Variants in MCMDC2 observed in about 807,000 individuals in gnomAD.
MCMDC2 encodes the protein minichromosome maintenance domain containing 2.
In MCMDC2, 54 loss-of-function variants were observed where a neutral mutation model predicts 75.8. That is an observed-to-expected ratio of 0.71 (90% CI 0.57 to 0.89). MCMDC2 has a LOEUF of 0.89. MCMDC2 is among the 40% of genes least tolerant of loss of function. The pLI, the probability that MCMDC2 is intolerant of heterozygous loss-of-function variation, is 0.00. For synonymous variants in MCMDC2, 249 were observed against 274.6 expected, an observed-to-expected ratio of 0.91 and a Z score of 0.92; for missense variants, 656 against 780.4, an observed-to-expected ratio of 0.84 and a Z score of 1.90.
rs144634127 is a variant in MCMDC2, at chr8:66,892,391, T to C, written c.1279+1321T>C. Among the ~76,000 whole-genome samples the C allele has an allele frequency of 5.0e-4, 76 of 152,304 alleles. 1 individual carries two copies. Among genetic ancestry groups the C allele is most frequent in the South Asian group, 2.9e-3 (14 of 4,828 alleles). Reference sequence around the variant, plus strand: ...GTCATGGCCCTTTTCACACCTGCCATTCAACAGGTCCCAAGTTCTTGTTCC... The same window carrying C: ...GTCATGGCCCTTTTCACACCTGCCACTCAACAGGTCCCAAGTTCTTGTTCC... On this transcript the variant is annotated intron_variant, in intron 10 of 14. Coordinates refer to ENST00000422365, the MANE Select transcript of MCMDC2 (RefSeq NM_173518.5).
chr8:66,878,469 AAAAAG>A, intron 5 of MCMDC2, 100 bp from the exon 6 acceptor site: 1 of 1,132,816 alleles, frequency 8.8e-7, no homozygotes, highest in Non-Finnish European at 1.2e-6. Context: ...TAATAAAAGA[AAAAAG>A]AAAATATAAA....
chr8:66,893,246 C>T (rs1405182331), intron 10 of MCMDC2, among the ~76,000 whole-genome samples: 1 of 152,178 alleles, frequency 6.6e-6, no homozygotes, highest in East Asian at 1.9e-4. Context: ...CAGTGGCTCA[C>T]ACCTGGAATC....
chr8:66,886,535 G>T lies in MCMDC2; in HGVS notation c.1073+2541G>T, dbSNP rs185130434. ...TGACTGTAATCTCAGCACTTTGGGA[G>T]GCTGAGGCAGGCAGATCACCTGAGG... is the stretch of plus-strand genomic sequence containing the variant. On this transcript the variant is annotated intron_variant, in intron 9 of 14. Transcript: ENST00000422365. Among the ~76,000 whole-genome samples the T allele has an allele frequency of 2.1e-3, 324 of 152,236 alleles. 3 individuals carry two copies. Among genetic ancestry groups the T allele is most frequent in the African/African-American group, 7.5e-3 (312 of 41,564 alleles).
At chr8:66,885,831 T>C (rs1461638793) in intron 9 of MCMDC2, among the ~76,000 whole-genome samples, 1 of 152,228 alleles carries the variant, frequency 6.6e-6, no homozygotes, top group South Asian at 2.1e-4. Flanking sequence ...TTAATTTTCC[T>C]GTTCTTGAAC....
chr8:66,872,549 A>G (rs941497486), intron 1 of MCMDC2, among the ~76,000 whole-genome samples: 2 of 152,064 alleles, frequency 1.3e-5, no homozygotes, highest in Non-Finnish European at 2.9e-5. Context: ...GTTTACATAT[A>G]TGTCTTCTCT....
At chr8:66,885,863 G>A (rs141647574) in intron 9 of MCMDC2, among the ~76,000 whole-genome samples, 148 of 152,250 alleles carry the variant, frequency 9.7e-4, no homozygotes, top group African/African-American at 3.1e-3. Context: ...AAATCATACA[G>A]TGCATCCTCT....
chr8:66,912,640 A>T (rs1228128085), intron 14 of MCMDC2, among the ~76,000 whole-genome samples: 1 of 152,230 alleles, frequency 6.6e-6, no homozygotes, highest in Non-Finnish European at 1.5e-5. Context: ...TTGCAGGGAC[A>T]TGGATGAAGC....
chr8:66,876,317 G>A, intron 4 of MCMDC2, among the ~76,000 whole-genome samples: 1 of 152,170 alleles, frequency 6.6e-6, no homozygotes, highest in East Asian at 1.9e-4. Context: ...CAGGGTAAAT[G>A]TTTGATTCTT....
At chr8:66,901,088 CTT>C in intron 12 of MCMDC2, 116 bp from the exon 13 acceptor site, 1 of 723,342 alleles carries the variant, frequency 1.4e-6, no homozygotes, top group Non-Finnish European at 2.3e-6. Context: ...GACATTTACT[CTT>C]TTTTATGTAA....
chr8:66,885,390 G>C (rs1811792461), intron 9 of MCMDC2, among the ~76,000 whole-genome samples: 1 of 149,796 alleles, frequency 6.7e-6, no homozygotes, highest in South Asian at 2.1e-4. Context: ...ATTTTAATTT[G>C]CATTTATTTA....
chr8:66,910,309 C>G (rs1054602690), intron 14 of MCMDC2, among the ~76,000 whole-genome samples: 4 of 152,202 alleles, frequency 2.6e-5, no homozygotes, highest in Non-Finnish European at 5.9e-5. Context: ...GTCCTCCAGA[C>G]CCCAGAATGG....
intron 14 of MCMDC2, among the ~76,000 whole-genome samples, chr8:66,914,309 A>T (rs867401146): frequency 6.6e-6 from 1 of 151,384 alleles, no homozygotes; most frequent in African/African-American, 2.4e-5. Flanking sequence ...AAAAAACTAA[A>T]GACACTAATG....
chr8:66,915,935 C>T (rs1431142645), intron 14 of MCMDC2, among the ~76,000 whole-genome samples: 1 of 152,044 alleles, frequency 6.6e-6, no homozygotes, highest in Non-Finnish European at 1.5e-5. Flanking sequence ...CAGAAAGGGG[C>T]AGAGTGGTCA....
At chr8:66,896,667 AAAT>A (rs1393353404) in intron 11 of MCMDC2, 110 bp from the exon 12 acceptor site, 23 of 748,560 alleles carry the variant, frequency 3.1e-5, no homozygotes, top group East Asian at 1.8e-4. Flanking sequence ...TTAATATGAT[AAAT>A]AATAACTTTA....
At chr8:66,875,656 T>C (rs1325275887) in intron 4 of MCMDC2, among the ~76,000 whole-genome samples, 1 of 152,192 alleles carries the variant, frequency 6.6e-6, no homozygotes, top group Non-Finnish European at 1.5e-5. Flanking sequence ...TTATGTAATA[T>C]CCAGTTTACA....
chr8:66,905,879 CCTG>C (rs1812887180), intron 14 of MCMDC2, among the ~76,000 whole-genome samples: 1 of 151,852 alleles, frequency 6.6e-6, no homozygotes. Flanking sequence ...GTGGCAGGTG[CCTG>C]TAGTCCCAGC....
intron 8 of MCMDC2, 79 bp downstream of exon 8, chr8:66,881,053 C>T (rs966995034): frequency 1.7e-6 from 2 of 1,188,038 alleles, no homozygotes; most frequent in Non-Finnish European, 1.1e-6. Context: ...TATTGTTTGC[C>T]TATGTGCTAG....
Position 66,919,110 on chromosome 8 carries a change from C to G in MCMDC2, c.1987C>G (p.Leu663Val). The G allele has an allele frequency of 6.4e-7, 1 of 1,550,586 alleles. No individual in the cohort carries two copies. Among genetic ancestry groups the G allele is most frequent in the Non-Finnish European group, 8.7e-7 (1 of 1,146,460 alleles). ...CTATCTGACTCAGTGCCAACAACAG[C>G]TGGAACAATTTATTGCCACATATGG... ...DLYLTQCQQQ[L>V]EQFIATYGPG... The change falls in exon 15 of 15, where the codon CTG becomes GTG. Residue 663 changes from leucine (L) to valine (V), a missense_variant. Transcript: ENST00000422365.
chr8:66,893,531 G>C (rs1812209044), intron 10 of MCMDC2, among the ~76,000 whole-genome samples: 1 of 152,194 alleles, frequency 6.6e-6, no homozygotes. Context: ...TGGCAGACAA[G>C]AGAAGAGGGC....
Sources: gnomAD v4.1 joint callset for allele counts (sites outside exome capture counted in the v4.1 genomes callset) on GRCh38, gnomAD v4.1.1 for gene constraint, MANE v1.5 for transcripts, NCBI Gene and HGNC (gene_info 2026-07-23, HGNC 2026-07-21) for gene names.